The following SLIT3 variants were observed in gnomAD, a reference collection of about 807,000 sequenced individuals.
The protein encoded by SLIT3 is slit guidance ligand 3, also known as slit homolog 3 protein.
In SLIT3, 68 loss-of-function variants were observed where a neutral mutation model predicts 184.0. The ratio of observed to expected loss-of-function variants is 0.37; its 90% CI spans 0.30 to 0.45. The LOEUF (loss-of-function observed/expected upper bound fraction) is 0.45. Among genes scored for constraint, SLIT3 ranks in the 20% least tolerant of loss-of-function variants. The pLI, the probability that SLIT3 is intolerant of heterozygous loss-of-function variation, is 1.00. For synonymous variants in SLIT3, 831 were observed against 828.6 expected (o/e 1.00, Z -0.05); for missense variants, 1,707 against 2,026.0 (o/e 0.84, Z 3.02).
chr5:168,992,849 G>T (rs1410862569), intron 4 of SLIT3, among the ~76,000 whole-genome samples: 1 of 152,198 alleles, frequency 6.6e-6, no homozygotes, highest in Non-Finnish European at 1.5e-5. Context: ...CAAATCCCAG[G>T]TGCATTAGCA....
intron 29 of SLIT3, 35 bp from the exon 30 acceptor site, chr5:168,687,151 G>A: frequency 6.2e-7 from 1 of 1,602,818 alleles, no homozygotes; most frequent in East Asian, 2.2e-5. Flanking sequence ...CGTTCCTCAA[G>A]GCAAAGCCAG....
At chr5:169,247,564 G>A (rs77824961) in intron 2 of SLIT3, among the ~76,000 whole-genome samples, 1 of 152,250 alleles carries the variant, frequency 6.6e-6, no homozygotes, top group Non-Finnish European at 1.5e-5. Context: ...GCTTCTTTCA[G>A]AGATGGGAAT....
chr5:168,871,669 T>C (rs556443895), intron 5 of SLIT3, among the ~76,000 whole-genome samples: 1 of 152,270 alleles, frequency 6.6e-6, no homozygotes, highest in Admixed American at 6.5e-5. Flanking sequence ...CACATATTTG[T>C]CTAGGAAGGG....
At chr5:168,688,203 A>C (rs1480086028) in intron 29 of SLIT3, among the ~76,000 whole-genome samples, 1 of 152,214 alleles carries the variant, frequency 6.6e-6, no homozygotes, top group Non-Finnish European at 1.5e-5. Flanking sequence ...CCTTCTGCAA[A>C]GCCTGTGTAC....
intron 4 of SLIT3, among the ~76,000 whole-genome samples, chr5:168,973,334 G>A (rs139469564): frequency 0.039 from 5,955 of 152,198 alleles, 154 homozygotes; most frequent in Middle Eastern, 0.065. Flanking sequence ...TGCAACCTCT[G>A]CCTCCCGGGT....
intron 4 of SLIT3, among the ~76,000 whole-genome samples, chr5:169,003,766 A>G (rs1224972857): frequency 6.6e-6 from 1 of 152,222 alleles, no homozygotes; most frequent in Non-Finnish European, 1.5e-5. Flanking sequence ...AGATATAACA[A>G]GAATAAATAT....
At chr5:168,908,294 AGAC>A (rs1761144008) in intron 4 of SLIT3, among the ~76,000 whole-genome samples, 1 of 151,944 alleles carries the variant, frequency 6.6e-6, no homozygotes, top group Non-Finnish European at 1.5e-5. Context: ...TAGCAGTGGT[AGAC>A]GAGTCACCTG....
At chr5:168,748,732 G>C (rs1427209986) in intron 19 of SLIT3, among the ~76,000 whole-genome samples, 2 of 152,158 alleles carry the variant, frequency 1.3e-5, no homozygotes, top group African/African-American at 4.8e-5. Context: ...GTCAGGGGGA[G>C]GGGGGCAGAG....
At chr5:168,856,766 CGTGTGTGTGTGTGTGT>C (rs372608852) in intron 5 of SLIT3, among the ~76,000 whole-genome samples, 2 of 132,866 alleles carry the variant, frequency 1.5e-5, no homozygotes, top group Non-Finnish European at 3.2e-5. Flanking sequence ...CTGAGTTCCT[CGTGTGTGTGTGTGTGT>C]GTGTGTGTGT....
intron 26 of SLIT3, among the ~76,000 whole-genome samples, chr5:168,704,600 A>C (rs1762323074): frequency 6.6e-6 from 1 of 152,252 alleles, no homozygotes; most frequent in African/African-American, 2.4e-5. Context: ...AAAGACGATA[A>C]TAAAACTTAT....
chr5:169,222,430 A>G (rs1250695596), intron 3 of SLIT3, among the ~76,000 whole-genome samples: 1 of 152,242 alleles, frequency 6.6e-6, no homozygotes, highest in Non-Finnish European at 1.5e-5. Context: ...TTGCTAGTAA[A>G]GAATCGTACA....
intron 4 of SLIT3, among the ~76,000 whole-genome samples, chr5:169,156,431 ACT>A (rs1354193176): frequency 1.3e-5 from 2 of 152,122 alleles, no homozygotes; most frequent in African/African-American, 4.8e-5. Context: ...TGACAAGTGA[ACT>A]CTCAGCCTGT....
chr5:168,693,235 G>A (rs1442418532), intron 28 of SLIT3, among the ~76,000 whole-genome samples: 1 of 152,186 alleles, frequency 6.6e-6, no homozygotes, highest in Non-Finnish European at 1.5e-5. Flanking sequence ...GAAGCACAAG[G>A]GGGACCCATA....
rs542982088 is a variant in SLIT3 at position 168,816,333 on chromosome 5, C to A, written c.793+967G>T. On this transcript the variant is annotated intron_variant, in intron 8 of 35. Coordinates refer to ENST00000519560, the MANE Select transcript of SLIT3 (RefSeq NM_003062.4). Reference sequence around the variant, plus strand: ...TCCTGAGTAGCAGGGATTACAGGTGCCCGCCACCACGTCCAGCTAATTTTT... The same window carrying A: ...TCCTGAGTAGCAGGGATTACAGGTGACCGCCACCACGTCCAGCTAATTTTT... Among the ~76,000 whole-genome samples, 60 of 152,218 alleles carry A rather than the reference C, an allele frequency of 3.9e-4. 2 individuals carry two copies. The South Asian group carries it at 0.012, about 31-fold the overall frequency.
At chr5:168,905,131 CA>C (rs1466386431) in intron 4 of SLIT3, among the ~76,000 whole-genome samples, 2 of 152,084 alleles carry the variant, frequency 1.3e-5, no homozygotes, top group African/African-American at 4.8e-5. Context: ...GAGCTGAGAT[CA>C]TGCCACTGCA....
At chr5:169,281,461 C>A (rs1010794572) in intron 1 of SLIT3, among the ~76,000 whole-genome samples, 3 of 152,160 alleles carry the variant, frequency 2.0e-5, no homozygotes, top group Non-Finnish European at 4.4e-5. Context: ...GGCAACAGAG[C>A]AAGAATCTGT....
Position 168,866,333 on chromosome 5 carries a change from C to A in SLIT3, c.485+16932G>T, listed in dbSNP as rs558986496. Among the ~76,000 whole-genome samples, 29 of 152,312 alleles carry A rather than the reference C, an allele frequency of 1.9e-4. No homozygotes were observed. In the South Asian group the frequency reaches 5.6e-3, roughly 29 times the overall value. On this transcript the variant is annotated intron_variant, in intron 5 of 35. Coordinates refer to ENST00000519560, the MANE Select transcript of SLIT3 (RefSeq NM_003062.4). ...AAGTAACTGAGAGGGAGGCTTTGTT[C>A]TTTGCCTTTGTTCCACATGAGGCCC...
intron 29 of SLIT3, among the ~76,000 whole-genome samples, chr5:168,687,359 C>T (rs970848297): frequency 3.9e-5 from 6 of 152,230 alleles, no homozygotes; most frequent in Admixed American, 3.9e-4. Flanking sequence ...TGGACTCATC[C>T]AGCTTTTGGC....
intron 33 of SLIT3, among the ~76,000 whole-genome samples, chr5:168,672,630 T>A (rs558458446): frequency 6.6e-6 from 1 of 152,084 alleles, no homozygotes; most frequent in Non-Finnish European, 1.5e-5. Flanking sequence ...TGCTCACTAC[T>A]GTGCCCAGCT....
Sources: allele counts gnomAD v4.1 joint callset (sites outside exome capture counted in the v4.1 genomes callset), GRCh38; gene constraint gnomAD v4.1.1; transcripts MANE v1.5; gene names NCBI Gene and HGNC (gene_info 2026-07-23, HGNC 2026-07-21).